Variants in DIAPH2 observed in about 807,000 individuals in gnomAD.
DIAPH2 encodes diaphanous related formin 2.
In DIAPH2, 35 loss-of-function variants were observed where a neutral mutation model predicts 92.7. The ratio of observed to expected loss-of-function variants is 0.38; its 90% CI spans 0.29 to 0.50. The LOEUF (loss-of-function observed/expected upper bound fraction) is 0.50. Ranked by LOEUF, DIAPH2 falls within the 20% of genes least tolerant of loss-of-function variation. The pLI is 0.94. For synonymous variants in DIAPH2, 301 were observed against 280.4 expected (o/e 1.07, Z -0.73); for missense variants, 701 against 819.5 (o/e 0.86, Z 1.77).
At position 97,526,462 on chromosome X, in the gene DIAPH2, C is replaced by CA. The variant is rs397896895; in HGVS notation, c.3242-72775dup. Among the ~76,000 whole-genome samples, 500 of 58,756 alleles carry CA rather than the reference C, an allele frequency of 8.5e-3. 4 individuals are homozygous for CA. Among genetic ancestry groups the CA allele is most frequent in the East Asian group, 0.052 (102 of 1,979 alleles). 51.0% of individuals were successfully genotyped at this position (58,756 alleles called of 115,157 possible). Reference sequence around the variant, plus strand: ...GGTCAGGCCATATGAGAAGGAATGCCAAAAAAAAAAAAAAAAGTCACCAAA... The same window carrying CA: ...GGTCAGGCCATATGAGAAGGAATGCCAAAAAAAAAAAAAAAAAGTCACCAAA... On this transcript the variant is annotated intron_variant, in intron 26 of 26. Transcript: ENST00000324765.
At chrX:97,445,053 C>A (rs1451952846) in intron 26 of DIAPH2, among the ~76,000 whole-genome samples, 1 of 111,697 alleles carries the variant, frequency 9.0e-6, no homozygotes, top group Non-Finnish European at 1.9e-5. Context: ...ATTAGAGAAT[C>A]TTTTAAATGT....
At position 97,354,011 on chromosome X, in the gene DIAPH2, C is replaced by T. The variant is rs7887299; in HGVS notation, c.3009+5731C>T. 5.0e-3 allele frequency among the ~76,000 whole-genome samples: 549 copies of T among 110,614 alleles called. 3 individuals are homozygous for T. Among genetic ancestry groups the T allele is most frequent in the African/African-American group, 0.017 (520 of 30,448 alleles). On this transcript the variant is annotated intron_variant, in intron 24 of 26. Coordinates refer to ENST00000324765, the MANE Select transcript of DIAPH2 (RefSeq NM_006729.5). ...TTAATTTTTAATAGAGATGAGATCT[C>T]GCTGTGTTGCCCAGGCTTATCTTGT...
chrX:96,720,919 G>T (rs1411858771), intron 1 of DIAPH2, among the ~76,000 whole-genome samples: 1 of 111,513 alleles, frequency 9.0e-6, no homozygotes, highest in Non-Finnish European at 1.9e-5. Flanking sequence ...AAACTTTTTA[G>T]TAACATGTTA....
chrX:97,297,076 CTTTTTTTTTTT>C (rs57145821), intron 23 of DIAPH2, among the ~76,000 whole-genome samples: 1 of 20,719 alleles, frequency 4.8e-5, no homozygotes, highest in Non-Finnish European at 7.9e-5. Flanking sequence ...CAGGCCTGGC[CTTTTTTTTTTT>C]TTTTTTTTTT....
At chrX:96,960,621 A>T (rs1175154205) in intron 16 of DIAPH2, among the ~76,000 whole-genome samples, 1 of 110,955 alleles carries the variant, frequency 9.0e-6, no homozygotes, top group Non-Finnish European at 1.9e-5. Flanking sequence ...TCTGGCTAGG[A>T]CTTCCAGTAC....
intron 4 of DIAPH2, among the ~76,000 whole-genome samples, chrX:96,836,098 GA>G: frequency 9.8e-6 from 1 of 101,711 alleles, no homozygotes. Context: ...GCCAAGCATG[GA>G]ATTTTTTTTT....
chrX:97,589,361 T>C (rs376316900), intron 26 of DIAPH2, among the ~76,000 whole-genome samples: 15 of 100,122 alleles, frequency 1.5e-4, no homozygotes, highest in African/African-American at 5.4e-4. Flanking sequence ...CATTCATAGA[T>C]AGCCACTATT....
At chrX:97,451,544 T>C (rs1027496670) in intron 26 of DIAPH2, among the ~76,000 whole-genome samples, 5 of 111,912 alleles carry the variant, frequency 4.5e-5, no homozygotes, top group African/African-American at 1.6e-4. Flanking sequence ...ATGATGATTA[T>C]TTTGATGTTA....
At chrX:97,389,734 T>G (rs1190672822) in intron 25 of DIAPH2, among the ~76,000 whole-genome samples, 1 of 110,888 alleles carries the variant, frequency 9.0e-6, no homozygotes, top group Non-Finnish European at 1.9e-5. Context: ...CATTAATGAT[T>G]GCAGGGCACC....
At chrX:97,293,465 A>T (rs5921770) in intron 23 of DIAPH2, among the ~76,000 whole-genome samples, 1 of 109,426 alleles carries the variant, frequency 9.1e-6, no homozygotes, top group Admixed American at 9.8e-5. Flanking sequence ...GTTGGCCAGG[A>T]TGGTCTCTGT....
chrX:96,798,105 G>A (rs2064554401), intron 4 of DIAPH2, among the ~76,000 whole-genome samples: 1 of 112,360 alleles, frequency 8.9e-6, no homozygotes. Flanking sequence ...ATAGGGAGCC[G>A]ACTGTATCTC....
chrX:97,337,873 AT>A (rs772010711), intron 23 of DIAPH2, among the ~76,000 whole-genome samples: 3,096 of 92,554 alleles, frequency 0.033, 118 homozygotes, highest in African/African-American at 0.11. Flanking sequence ...TTATAATCTG[AT>A]TTTTTTTTTT....
At chrX:97,491,823 A>AT in intron 26 of DIAPH2, among the ~76,000 whole-genome samples, 1 of 110,989 alleles carries the variant, frequency 9.0e-6, no homozygotes, top group Admixed American at 9.5e-5. Flanking sequence ...TGATTTGTTG[A>AT]TTTTTTGTAG....
At position 97,408,515 on chromosome X, in the gene DIAPH2, C is replaced by T. The variant is rs186942542; in HGVS notation, c.3146-21135C>T. Among the ~76,000 whole-genome samples the T allele has an allele frequency of 2.8e-3, 313 of 110,691 alleles. 1 individual carries two copies. Among genetic ancestry groups the T allele is most frequent in the African/African-American group, 9.4e-3 (286 of 30,557 alleles). ...CTATTGGAGAACAACTTCTCTTTTA[C>T]GAAGTAAAGTATGTAATTAAGGTCT... On this transcript the variant is annotated intron_variant, in intron 25 of 26. Transcript: ENST00000324765.
At chrX:96,927,327 T>G (rs772899082) in intron 9 of DIAPH2, among the ~76,000 whole-genome samples, 1 of 104,521 alleles carries the variant, frequency 9.6e-6, no homozygotes, top group South Asian at 4.5e-4. Flanking sequence ...TTTTGCATTG[T>G]TAGAGGACAA....
intron 26 of DIAPH2, among the ~76,000 whole-genome samples, chrX:97,438,352 T>TTCG (rs2070212859): frequency 7.9e-5 from 6 of 76,208 alleles, no homozygotes; most frequent in African/African-American, 3.0e-4. Flanking sequence ...TTTTTTTTTG[T>TTCG]TTGTTTGTTT....
At chrX:96,901,468 C>T (rs1428019969) in intron 5 of DIAPH2, among the ~76,000 whole-genome samples, 1 of 94,550 alleles carries the variant, frequency 1.1e-5, no homozygotes, top group African/African-American at 3.9e-5. Context: ...TTTAGTTCTG[C>T]TCTGATCTTT....
At chrX:97,182,949 C>G (rs1370567192) in intron 22 of DIAPH2, among the ~76,000 whole-genome samples, 1 of 110,719 alleles carries the variant, frequency 9.0e-6, no homozygotes, top group African/African-American at 3.3e-5. Context: ...TAAAAGAGAT[C>G]ACTAGGGCAG....
intron 22 of DIAPH2, among the ~76,000 whole-genome samples, chrX:97,184,568 T>A (rs144167314): frequency 0.03 from 3,328 of 111,387 alleles, 47 homozygotes; most frequent in Non-Finnish European, 0.042. Context: ...TAAGCTGAAA[T>A]TCTCAATCCA....
Sources: gnomAD v4.1 joint callset for allele counts (sites outside exome capture counted in the v4.1 genomes callset) on GRCh38, gnomAD v4.1.1 for gene constraint, MANE v1.5 for transcripts, NCBI Gene and HGNC (gene_info 2026-07-23, HGNC 2026-07-21) for gene names.